RBFOX1: variants seen among roughly 807,000 people sequenced by gnomAD.
The protein encoded by RBFOX1 is RNA binding fox-1 homolog 1.
RBFOX1 carries 8 observed loss-of-function variants against 57.7 expected under a neutral mutation model. The observed-to-expected ratio is 0.14, with a 90% CI of 0.08 to 0.25. The LOEUF is 0.25. RBFOX1 is among the 10% of genes least tolerant of loss of function. The pLI, the probability that RBFOX1 is intolerant of heterozygous loss-of-function variation, is 1.00. For missense variants in RBFOX1, 611 were observed against 548.5 expected (o/e 1.11, Z -1.14); for synonymous variants, 326 against 222.4 (o/e 1.47, Z -4.15).
intron 3 of RBFOX1, among the ~76,000 whole-genome samples, chr16:6,852,321 G>A (rs1297703922): frequency 6.6e-6 from 1 of 152,068 alleles, no homozygotes. Context: ...GGATGCTTGA[G>A]GTTGCGTGTA....
At chr16:7,322,509 A>AAAGTACAGT in intron 4 of RBFOX1, among the ~76,000 whole-genome samples, 1 of 152,228 alleles carries the variant, frequency 6.6e-6, no homozygotes, top group South Asian at 2.1e-4. Flanking sequence ...ACATCTTGCT[A>AAAGTACAGT]CCTACTTGGA....
chr16:7,411,189 G>A (rs2098421327), intron 4 of RBFOX1, among the ~76,000 whole-genome samples: 7 of 151,986 alleles, frequency 4.6e-5, no homozygotes, highest in Admixed American at 4.6e-4. Context: ...CAGGTGATCT[G>A]CCCTTCTCAG....
At chr16:6,753,134 G>T (rs546708238) in intron 3 of RBFOX1, among the ~76,000 whole-genome samples, 9 of 152,192 alleles carry the variant, frequency 5.9e-5, no homozygotes, top group African/African-American at 1.9e-4. Context: ...AACTTGTAGG[G>T]GGTATTTTAA....
At chr16:7,473,588 C>G (rs1426914186) in intron 4 of RBFOX1, among the ~76,000 whole-genome samples, 1 of 151,344 alleles carries the variant, frequency 6.6e-6, no homozygotes, top group Non-Finnish European at 1.5e-5. Flanking sequence ...TTCCTCTTTA[C>G]CTGCTACCCA....
chr16:5,637,139 T>C (rs1424853744), intron 3 of RBFOX1, among the ~76,000 whole-genome samples: 1 of 152,234 alleles, frequency 6.6e-6, no homozygotes, highest in Non-Finnish European at 1.5e-5. Context: ...GTGAATCTTA[T>C]TTCTACCTGA....
intron 2 of RBFOX1, among the ~76,000 whole-genome samples, chr16:6,570,010 C>T (rs1300744735): frequency 1.3e-5 from 2 of 152,168 alleles, no homozygotes; most frequent in East Asian, 3.8e-4. Context: ...CTTGCATTCT[C>T]TTCTGGTTTA....
intron 4 of RBFOX1, among the ~76,000 whole-genome samples, chr16:7,242,496 TC>T (rs773350413): frequency 8.5e-5 from 13 of 152,098 alleles, no homozygotes; most frequent in Non-Finnish European, 1.8e-4. Context: ...ACAGTGTACC[TC>T]CCCCTGCATC....
At chr16:7,247,292 A>T (rs2094340740) in intron 4 of RBFOX1, among the ~76,000 whole-genome samples, 1 of 152,206 alleles carries the variant, frequency 6.6e-6, no homozygotes, top group African/African-American at 2.4e-5. Flanking sequence ...GCCGGTTAAC[A>T]TTCCTTAACC....
chr16:5,940,808 G>A (rs1339245471), intron 4 of RBFOX1, among the ~76,000 whole-genome samples: 3 of 152,154 alleles, frequency 2.0e-5, no homozygotes, highest in African/African-American at 7.2e-5. Flanking sequence ...ACTTGGGCTG[G>A]CAGCTGTGCT....
intron 1 of RBFOX1, among the ~76,000 whole-genome samples, chr16:5,423,078 GGA>G (rs1159790930): frequency 3.0e-5 from 4 of 134,788 alleles, no homozygotes; most frequent in African/African-American, 1.1e-4. Flanking sequence ...GGAGGAGGAA[GGA>G]GAGGGAGGAA....
chr16:6,996,264 A>G (rs915226822), intron 3 of RBFOX1, among the ~76,000 whole-genome samples: 2 of 152,182 alleles, frequency 1.3e-5, no homozygotes, highest in African/African-American at 4.8e-5. Context: ...ATATAAATAC[A>G]ATGATATTGA....
At chr16:6,611,881 C>G (rs1460664050) in intron 2 of RBFOX1, among the ~76,000 whole-genome samples, 2 of 152,122 alleles carry the variant, frequency 1.3e-5, no homozygotes, top group Non-Finnish European at 2.9e-5. Flanking sequence ...ACCCTGGTTT[C>G]TGGTCTCTGA....
intron 4 of RBFOX1, among the ~76,000 whole-genome samples, chr16:7,375,104 T>C (rs1477518375): frequency 6.6e-6 from 1 of 152,234 alleles, no homozygotes; most frequent in African/African-American, 2.4e-5. Flanking sequence ...GTTTCAGACA[T>C]TATGCTAGCC....
At chr16:6,823,437 AAT>A (rs1044522882) in intron 3 of RBFOX1, among the ~76,000 whole-genome samples, 38 of 151,978 alleles carry the variant, frequency 2.5e-4, no homozygotes, top group African/African-American at 8.9e-4. Flanking sequence ...TTGTATTTTT[AAT>A]AGAGATGGGG....
intron 2 of RBFOX1, among the ~76,000 whole-genome samples, chr16:5,530,196 C>G (rs1317545434): frequency 6.6e-6 from 1 of 152,184 alleles, no homozygotes; most frequent in Non-Finnish European, 1.5e-5. Context: ...GAACCTTATT[C>G]CCAGCAGTCC....
intron 1 of RBFOX1, among the ~76,000 whole-genome samples, chr16:5,452,391 G>A (rs915578822): frequency 6.6e-6 from 1 of 151,986 alleles, no homozygotes; most frequent in Non-Finnish European, 1.5e-5. Flanking sequence ...TTACAGGGGT[G>A]AGTTACTACA....
At chr16:6,367,480 C>T (rs2089818910) in intron 2 of RBFOX1, among the ~76,000 whole-genome samples, 1 of 152,086 alleles carries the variant, frequency 6.6e-6, no homozygotes, top group African/African-American at 2.4e-5. Flanking sequence ...CTATATTGGT[C>T]AGGCTGGCCC....
intron 3 of RBFOX1, among the ~76,000 whole-genome samples, chr16:6,854,915 C>T (rs765296905): frequency 6.6e-6 from 1 of 151,602 alleles, no homozygotes; most frequent in African/African-American, 2.4e-5. Context: ...TTTTTTTATT[C>T]TGGTTTCTAT....
Position 7,541,889 on chromosome 16 carries a change from C to G in RBFOX1, c.270+23500C>G, listed in dbSNP as rs1007214667. On this transcript the variant is annotated intron_variant, in intron 5 of 15. Transcript: ENST00000550418. ...AGAAATCTCCCAGGCCATTCACAAG[C>G]CACATGCCTGCAAAGAAGTCTTGGG... Among the ~76,000 whole-genome samples the G allele has an allele frequency of 2.6e-5, 4 of 152,320 alleles. No homozygotes were observed. The South Asian group carries it at 8.3e-4, about 32-fold the overall frequency.
Sources: allele counts gnomAD v4.1 joint callset (sites outside exome capture counted in the v4.1 genomes callset), GRCh38; gene constraint gnomAD v4.1.1; transcripts MANE v1.5; gene names NCBI Gene and HGNC (gene_info 2026-07-23, HGNC 2026-07-21).